The following DLG2 variants were observed in gnomAD, a reference collection of about 807,000 sequenced individuals.
DLG2 encodes the protein discs large MAGUK scaffold protein 2, also known as disks large homolog 2.
Under a neutral mutation model 132.5 loss-of-function variants are expected in DLG2, and 45 were observed. That is an observed-to-expected ratio of 0.34 (90% CI 0.27 to 0.44). The LOEUF is 0.44. Ranked by LOEUF, DLG2 falls within the 20% of genes least tolerant of loss-of-function variation. The probability of loss-of-function intolerance (pLI) is 1.00; values close to 1 mark genes in which losing one functional copy is unlikely to be tolerated. For synonymous variants in DLG2, 424 were observed against 419.6 expected, an observed-to-expected ratio of 1.01 and a Z score of -0.13; for missense variants, 1,045 against 1,196.9, an observed-to-expected ratio of 0.87 and a Z score of 1.87.
At chr11:83,876,907 C>T (rs1263156127) in intron 15 of DLG2, among the ~76,000 whole-genome samples, 1 of 151,964 alleles carries the variant, frequency 6.6e-6, no homozygotes, top group African/African-American at 2.4e-5. Flanking sequence ...AACGTTACTT[C>T]CTATGAAGAT....
chr11:85,002,827 C>T (rs368793135), intron 6 of DLG2, among the ~76,000 whole-genome samples: 1 of 151,886 alleles, frequency 6.6e-6, no homozygotes, highest in African/African-American at 2.4e-5. Context: ...GCAAGACCGA[C>T]CTTCCTTTTC....
At chr11:84,967,138 C>A (rs1246274983) in intron 6 of DLG2, among the ~76,000 whole-genome samples, 1 of 152,014 alleles carries the variant, frequency 6.6e-6, no homozygotes, top group Non-Finnish European at 1.5e-5. Flanking sequence ...AATTCCAGCT[C>A]AATGTTTTTA....
At chr11:85,396,216 A>T (rs2087349713) in intron 3 of DLG2, among the ~76,000 whole-genome samples, 1 of 152,210 alleles carries the variant, frequency 6.6e-6, no homozygotes, top group Non-Finnish European at 1.5e-5. Flanking sequence ...AACAAACAGA[A>T]AGGAATAGCA....
chr11:84,720,502 C>A (rs2061687485), intron 6 of DLG2: 1 of 984,922 alleles, frequency 1.0e-6, no homozygotes, highest in Non-Finnish European at 1.2e-6. Flanking sequence ...CGATCACTGC[C>A]CCCTGCACCC....
intron 11 of DLG2, among the ~76,000 whole-genome samples, chr11:84,034,482 C>A (rs961207505): frequency 6.6e-6 from 1 of 151,956 alleles, no homozygotes; most frequent in Admixed American, 6.6e-5. Flanking sequence ...TAAATTTTTT[C>A]AAAAATTTTG....
chr11:85,267,164 T>G (rs966901035), intron 4 of DLG2, among the ~76,000 whole-genome samples: 2 of 152,208 alleles, frequency 1.3e-5, no homozygotes, highest in Non-Finnish European at 2.9e-5. Flanking sequence ...ATGAATAGGA[T>G]AAGTACCCTT....
chr11:83,466,110 T>G (rs764587188), intron 26 of DLG2, among the ~76,000 whole-genome samples: 1 of 152,230 alleles, frequency 6.6e-6, no homozygotes. Flanking sequence ...ACAGATGTTT[T>G]ACTGCCACGC....
intron 12 of DLG2, among the ~76,000 whole-genome samples, chr11:83,970,997 G>A (rs1006847448): frequency 6.6e-6 from 1 of 152,152 alleles, no homozygotes; most frequent in African/African-American, 2.4e-5. Flanking sequence ...TTAATTATGT[G>A]TGTGCATTAT....
intron 7 of DLG2, among the ~76,000 whole-genome samples, chr11:84,468,110 T>C (rs1468183065): frequency 6.6e-6 from 1 of 151,580 alleles, no homozygotes; most frequent in African/African-American, 2.4e-5. Context: ...AAGTGCACAA[T>C]ACCTGATGGT....
intron 3 of DLG2, among the ~76,000 whole-genome samples, chr11:85,511,072 G>T (rs553746131): frequency 2.0e-5 from 3 of 152,146 alleles, no homozygotes; most frequent in African/African-American, 7.2e-5. Context: ...GTCCTTTGTA[G>T]GGACATGGAT....
chr11:83,641,151 G>C (rs1418578455), intron 18 of DLG2, among the ~76,000 whole-genome samples: 3 of 152,148 alleles, frequency 2.0e-5, no homozygotes, highest in Admixed American at 2.0e-4. Context: ...GTGGACACAA[G>C]ACTCTTCTGA....
intron 7 of DLG2, among the ~76,000 whole-genome samples, chr11:84,257,679 AT>A (rs1172548999): frequency 0.039 from 4,143 of 105,916 alleles, 74 homozygotes; most frequent in African/African-American, 0.11. Context: ...TTATCTCTGG[AT>A]TTTTTTTTTT....
chr11:85,485,220 G>A (rs983539987), intron 3 of DLG2, among the ~76,000 whole-genome samples: 1 of 152,012 alleles, frequency 6.6e-6, no homozygotes, highest in Non-Finnish European at 1.5e-5. Context: ...GGAGAGGGGG[G>A]AGGGATAGCA....
chr11:85,047,908 A>G (rs2062505188), intron 6 of DLG2, among the ~76,000 whole-genome samples: 1 of 151,986 alleles, frequency 6.6e-6, no homozygotes, highest in Admixed American at 6.6e-5. Flanking sequence ...AGGTAAAAAT[A>G]CAATTCTCAC....
chr11:85,562,225 A>C (rs1598537777), intron 3 of DLG2, among the ~76,000 whole-genome samples: 1 of 151,866 alleles, frequency 6.6e-6, no homozygotes, highest in Middle Eastern at 3.4e-3. Flanking sequence ...GGTGAAAATA[A>C]AGTTGATCCA....
At chr11:83,724,478 A>T (rs3916258) in intron 18 of DLG2, among the ~76,000 whole-genome samples, 35,676 of 85,498 alleles carry the variant, frequency 0.42, 5,141 homozygotes, top group African/African-American at 0.56. Flanking sequence ...TGTGTGTGTG[A>T]GAGAGAGAGA....
At chr11:83,730,543 C>G (rs763545360) in intron 18 of DLG2, among the ~76,000 whole-genome samples, 22 of 152,130 alleles carry the variant, frequency 1.4e-4, no homozygotes, top group Admixed American at 2.0e-4. Context: ...TATTCTCCCC[C>G]CATCCCTGCT....
intron 6 of DLG2, among the ~76,000 whole-genome samples, chr11:84,655,342 T>TGTTGA (rs2099686911): frequency 1.3e-5 from 2 of 152,180 alleles, no homozygotes; most frequent in African/African-American, 4.8e-5. Context: ...ATACTTTGAC[T>TGTTGA]CCATATGCTT....
intron 25 of DLG2, among the ~76,000 whole-genome samples, chr11:83,468,527 A>C (rs2091523594): frequency 6.6e-6 from 1 of 152,178 alleles, no homozygotes; most frequent in East Asian, 1.9e-4. Flanking sequence ...AAAATTACTT[A>C]ATTCTTTAGC....
Sources: gnomAD v4.1 joint callset for allele counts (sites outside exome capture counted in the v4.1 genomes callset) on GRCh38, gnomAD v4.1.1 for gene constraint, MANE v1.5 for transcripts, NCBI Gene and HGNC (gene_info 2026-07-23, HGNC 2026-07-21) for gene names.